PDE11A: variants seen among roughly 807,000 people sequenced by gnomAD.
PDE11A encodes phosphodiesterase 11A.
In PDE11A, 100 loss-of-function variants were observed where a neutral mutation model predicts 100.5. That is an observed-to-expected ratio of 1.00 (90% CI 0.85 to 1.18). The LOEUF is 1.18. PDE11A is among the 50% of genes most tolerant of loss of function. The pLI is 0.00. For synonymous variants in PDE11A, 381 were observed against 420.8 expected (o/e 0.91, Z 1.16); for missense variants, 1,141 against 1,152.6 (o/e 0.99, Z 0.15).
intron 3 of PDE11A, among the ~76,000 whole-genome samples, chr2:177,902,437 C>T (rs944882508): frequency 6.6e-6 from 1 of 152,186 alleles, no homozygotes; most frequent in South Asian, 2.1e-4. Flanking sequence ...TCTCTTCACA[C>T]GGATGTGTGT....
intron 2 of PDE11A, among the ~76,000 whole-genome samples, chr2:178,005,565 T>C (rs1369476499): frequency 6.6e-6 from 1 of 152,296 alleles, no homozygotes; most frequent in East Asian, 1.9e-4. Context: ...TTTTTATCAC[T>C]AGAATGTAAA....
intron 10 of PDE11A, among the ~76,000 whole-genome samples, chr2:177,758,618 T>A (rs1558923931): frequency 6.6e-6 from 1 of 152,236 alleles, no homozygotes. Context: ...TCAAATCTCC[T>A]GGCTGCATGC....
chr2:177,780,849 C>T (rs545702967), intron 9 of PDE11A, among the ~76,000 whole-genome samples: 1 of 152,324 alleles, frequency 6.6e-6, no homozygotes, highest in South Asian at 2.1e-4. Flanking sequence ...AATGTTGTGG[C>T]TCATTTGATC....
intron 3 of PDE11A, among the ~76,000 whole-genome samples, chr2:177,902,784 T>A (rs2084717893): frequency 6.6e-6 from 1 of 152,178 alleles, no homozygotes; most frequent in Non-Finnish European, 1.5e-5. Context: ...CTTTCACTCA[T>A]TTCCCATATC....
chr2:177,995,370 A>G (rs908620285), intron 2 of PDE11A, among the ~76,000 whole-genome samples: 1 of 152,102 alleles, frequency 6.6e-6, no homozygotes, highest in Non-Finnish European at 1.5e-5. Flanking sequence ...TTTCAGAACT[A>G]TTTTCTCCAT....
At chr2:178,091,844 C>G (rs1574394013) in intron 2 of PDE11A, among the ~76,000 whole-genome samples, 1 of 152,160 alleles carries the variant, frequency 6.6e-6, no homozygotes, top group South Asian at 2.1e-4. Flanking sequence ...CTCTCAGTGT[C>G]CCTGCTATCC....
intron 4 of PDE11A, among the ~76,000 whole-genome samples, chr2:177,891,032 C>T (rs985645790): frequency 6.6e-6 from 1 of 152,276 alleles, no homozygotes; most frequent in Middle Eastern, 3.4e-3. Context: ...GAATTATTTA[C>T]ATTTTCACTA....
intron 3 of PDE11A, among the ~76,000 whole-genome samples, chr2:177,901,593 A>T (rs2084699528): frequency 6.6e-6 from 1 of 152,196 alleles, no homozygotes; most frequent in East Asian, 1.9e-4. Context: ...TCCCAAAGCA[A>T]ACAGGAACAT....
At chr2:177,629,645 G>T in intron 19 of PDE11A, 83 bp from the exon 20 acceptor site, 1 of 1,400,616 alleles carries the variant, frequency 7.1e-7, no homozygotes, top group Non-Finnish European at 1.0e-6. Flanking sequence ...CACTTATGAG[G>T]AGAATGGAAA....
intron 10 of PDE11A, among the ~76,000 whole-genome samples, chr2:177,765,866 G>T (rs1299068539): frequency 6.6e-6 from 1 of 152,156 alleles, no homozygotes; most frequent in Non-Finnish European, 1.5e-5. Context: ...ACTACAACTA[G>T]CTTGTCTCCC....
chr2:177,681,942 C>G (rs1270585099), intron 15 of PDE11A, among the ~76,000 whole-genome samples: 1 of 152,202 alleles, frequency 6.6e-6, no homozygotes, highest in Non-Finnish European at 1.5e-5. Flanking sequence ...AAAGCTGTCT[C>G]TTTTGGAGAA....
intron 10 of PDE11A, among the ~76,000 whole-genome samples, chr2:177,748,561 T>C (rs1295920826): frequency 6.6e-6 from 1 of 152,220 alleles, no homozygotes; most frequent in Non-Finnish European, 1.5e-5. Flanking sequence ...TCATGAACTA[T>C]GTAGGGTGAA....
At chr2:177,904,979 T>TA in intron 3 of PDE11A, 119 bp downstream of exon 3, 1 of 720,088 alleles carries the variant, frequency 1.4e-6, no homozygotes, top group Non-Finnish European at 2.6e-6. Context: ...ATTATACAAA[T>TA]AAAAAAGATT....
intron 2 of PDE11A, among the ~76,000 whole-genome samples, chr2:178,091,488 C>T (rs1204158959): frequency 6.6e-6 from 1 of 152,178 alleles, no homozygotes; most frequent in African/African-American, 2.4e-5. Flanking sequence ...GGTGTCAACA[C>T]AGAAGGTAAA....
intron 9 of PDE11A, among the ~76,000 whole-genome samples, chr2:177,803,032 C>T (rs1442875879): frequency 6.6e-6 from 1 of 151,690 alleles, no homozygotes; most frequent in African/African-American, 2.4e-5. Flanking sequence ...GATACTCATT[C>T]ATTTTTGTCT....
intron 1 of PDE11A, among the ~76,000 whole-genome samples, chr2:178,062,690 T>G (rs1411349889): frequency 6.6e-6 from 1 of 152,220 alleles, no homozygotes; most frequent in Non-Finnish European, 1.5e-5. Flanking sequence ...TTCATTAAAC[T>G]GTGCATACCC....
At chr2:177,849,426 T>C (rs2083658966) in intron 5 of PDE11A, among the ~76,000 whole-genome samples, 1 of 152,104 alleles carries the variant, frequency 6.6e-6, no homozygotes, top group South Asian at 2.1e-4. Context: ...TTAAAAAGTG[T>C]GGGGTTTTCT....
At chr2:177,843,912 T>A (rs1168378146) in intron 5 of PDE11A, among the ~76,000 whole-genome samples, 2 of 152,064 alleles carry the variant, frequency 1.3e-5, no homozygotes, top group African/African-American at 4.8e-5. Context: ...TGACTTCAGG[T>A]GTTGTAATCT....
chr2:177,743,479 A>C (rs941731237), intron 10 of PDE11A, among the ~76,000 whole-genome samples: 2 of 152,246 alleles, frequency 1.3e-5, no homozygotes, highest in African/African-American at 4.8e-5. Flanking sequence ...ATTGGATGAC[A>C]GGGCACAGGG....
Sources: allele counts gnomAD v4.1 joint callset (sites outside exome capture counted in the v4.1 genomes callset), GRCh38; gene constraint gnomAD v4.1.1; transcripts MANE v1.5; gene names NCBI Gene and HGNC (gene_info 2026-07-23, HGNC 2026-07-21).